Variants in ADAM22 observed in about 807,000 individuals in gnomAD.
ADAM22 encodes ADAM metallopeptidase domain 22, also known as disintegrin and metalloproteinase domain-containing protein 22.
Under a neutral mutation model 144.6 loss-of-function variants are expected in ADAM22, and 65 were observed. The ratio of observed to expected loss-of-function variants is 0.45; its 90% CI spans 0.37 to 0.55. ADAM22 has a LOEUF of 0.55. Ranked by LOEUF, ADAM22 falls within the 20% of genes least tolerant of loss-of-function variation. The pLI, the probability that ADAM22 is intolerant of heterozygous loss-of-function variation, is 0.00. For missense variants in ADAM22, 974 were observed against 1,184.9 expected, an observed-to-expected ratio of 0.82 and a Z score of 2.61; for synonymous variants, 391 against 412.6, an observed-to-expected ratio of 0.95 and a Z score of 0.63.
intron 4 of ADAM22, among the ~76,000 whole-genome samples, chr7:88,105,439 C>T (rs925878967): frequency 2.2e-4 from 34 of 152,146 alleles, no homozygotes; most frequent in Non-Finnish European, 4.1e-4. Flanking sequence ...TGATCCAATC[C>T]GATGTATCCA....
rs889039155 is a variant in ADAM22 at position 88,196,769 on chromosome 7, G to A, written c.*278G>A. ...ATGTTAATGGATAATCCGCATGACA[G>A]ATAATATGTAGAAATATTCATAAAG... On this transcript the variant is annotated 3_prime_UTR_variant, in exon 32 of 32. Transcript: ENST00000413139. 1.1e-5 allele frequency: 5 copies of A among 444,074 alleles called. No homozygotes were observed. Among genetic ancestry groups the A allele is most frequent in the Non-Finnish European group, 2.1e-5 (5 of 243,324 alleles). The allele number at this position is 444,074 out of a possible 1,614,324, so 27.5% of individuals were successfully genotyped here.
chr7:88,139,777 A>G (rs1422814281), intron 14 of ADAM22, among the ~76,000 whole-genome samples: 1 of 152,138 alleles, frequency 6.6e-6, no homozygotes, highest in Non-Finnish European at 1.5e-5. Flanking sequence ...TAGGGTAATG[A>G]GGTGTGATCT....
intron 30 of ADAM22, among the ~76,000 whole-genome samples, chr7:88,192,547 T>TA: frequency 6.6e-6 from 1 of 152,310 alleles, no homozygotes; most frequent in Middle Eastern, 3.4e-3. Flanking sequence ...CACTCCTTAC[T>TA]GCTTGCATGT....
chr7:88,077,280 T>A (rs1327478069), intron 4 of ADAM22, among the ~76,000 whole-genome samples: 1 of 152,188 alleles, frequency 6.6e-6, no homozygotes, highest in Non-Finnish European at 1.5e-5. Flanking sequence ...TTCCATTACA[T>A]ATATATGTAA....
At chr7:88,045,750 T>C (rs370957036) in intron 3 of ADAM22, among the ~76,000 whole-genome samples, 27 of 152,296 alleles carry the variant, frequency 1.8e-4, no homozygotes, top group African/African-American at 6.3e-4. Flanking sequence ...TCAACTTTTT[T>C]AGATTCCACA....
chr7:88,123,277 G>C (rs991849884), intron 7 of ADAM22, among the ~76,000 whole-genome samples: 1 of 151,844 alleles, frequency 6.6e-6, no homozygotes, highest in Non-Finnish European at 1.5e-5. Flanking sequence ...AGATGTGTTA[G>C]GAAAAGTTTC....
At chr7:88,009,042 G>C (rs1056725460) in intron 3 of ADAM22, among the ~76,000 whole-genome samples, 6 of 151,982 alleles carry the variant, frequency 3.9e-5, no homozygotes, top group Non-Finnish European at 8.8e-5. Flanking sequence ...ATTTATTTCA[G>C]CTTTTCACCC....
At chr7:88,037,639 T>C (rs1801839436) in intron 3 of ADAM22, among the ~76,000 whole-genome samples, 1 of 152,080 alleles carries the variant, frequency 6.6e-6, no homozygotes, top group Non-Finnish European at 1.5e-5. Context: ...GATAAGAGCT[T>C]ATTTCATAAC....
chr7:88,165,187 G>T (rs1842663679), intron 23 of ADAM22, among the ~76,000 whole-genome samples: 1 of 151,920 alleles, frequency 6.6e-6, no homozygotes, highest in African/African-American at 2.4e-5. Context: ...TTCCTGAGTG[G>T]ACTAATGAAG....
chr7:88,131,776 C>T (rs1001119008), intron 11 of ADAM22: 10 of 265,108 alleles, frequency 3.8e-5, no homozygotes, highest in Non-Finnish European at 5.6e-5. Context: ...TTAATGTTTT[C>T]TCTGTTTTTG....
intron 6 of ADAM22, among the ~76,000 whole-genome samples, chr7:88,115,716 A>G (rs904951565): frequency 6.6e-6 from 1 of 152,206 alleles, no homozygotes; most frequent in African/African-American, 2.4e-5. Context: ...AGTCCACAAC[A>G]AATCAAATCC....
chr7:88,119,735 C>T (rs920758432), intron 7 of ADAM22, among the ~76,000 whole-genome samples: 8 of 152,198 alleles, frequency 5.3e-5, no homozygotes, highest in African/African-American at 7.2e-5. Flanking sequence ...GTGATCCACC[C>T]GCCTTGGCCT....
chr7:88,155,828 A>T, intron 21 of ADAM22, 59 bp from the exon 22 acceptor site: 1 of 1,565,284 alleles, frequency 6.4e-7, no homozygotes, highest in Admixed American at 1.9e-5. Context: ...GATTATTCTA[A>T]CTGTACATGG....
intron 3 of ADAM22, among the ~76,000 whole-genome samples, chr7:88,055,087 T>C (rs1173868880): frequency 6.6e-6 from 1 of 151,996 alleles, no homozygotes; most frequent in African/African-American, 2.4e-5. Context: ...TGCTGTTTCT[T>C]CAAACTCAAC....
At chr7:88,128,549 G>T in intron 8 of ADAM22, 53 bp from the exon 9 acceptor site, 2 of 1,448,898 alleles carry the variant, frequency 1.4e-6, no homozygotes, top group South Asian at 1.2e-5. Flanking sequence ...TTAGCTTTTC[G>T]CAGCCAAGTT....
At chr7:88,185,006 C>T (rs1847962119) in intron 29 of ADAM22, among the ~76,000 whole-genome samples, 1 of 152,222 alleles carries the variant, frequency 6.6e-6, no homozygotes, top group South Asian at 2.1e-4. Context: ...GGCTATGTTT[C>T]ACCTGATTAT....
chr7:88,190,544 A>T (rs1849393728), intron 30 of ADAM22, among the ~76,000 whole-genome samples: 2 of 152,110 alleles, frequency 1.3e-5, no homozygotes, highest in Non-Finnish European at 2.9e-5. Context: ...TCAAAAAATA[A>T]AATAAAATAA....
At chr7:88,003,643 A>G (rs1253402872) in intron 3 of ADAM22, among the ~76,000 whole-genome samples, 3 of 152,336 alleles carry the variant, frequency 2.0e-5, no homozygotes, top group African/African-American at 7.2e-5. Flanking sequence ...CAATCTCCAA[A>G]TGGAGGGCAG....
chr7:87,979,862 T>C (rs188288018), intron 3 of ADAM22, among the ~76,000 whole-genome samples: 2 of 152,132 alleles, frequency 1.3e-5, no homozygotes, highest in Non-Finnish European at 1.5e-5. Flanking sequence ...TAGGTGTGAT[T>C]TGGAAAGTCA....
Sources: gnomAD v4.1 joint callset for allele counts (sites outside exome capture counted in the v4.1 genomes callset) on GRCh38, gnomAD v4.1.1 for gene constraint, MANE v1.5 for transcripts, NCBI Gene and HGNC (gene_info 2026-07-23, HGNC 2026-07-21) for gene names.